Variants in MTFR2 observed in about 807,000 individuals in gnomAD.
MTFR2 encodes DUF729 domain-containing protein 1.
MTFR2 carries 44 observed loss-of-function variants against 41.2 expected under a neutral mutation model. That is an observed-to-expected ratio of 1.07 (90% CI 0.84 to 1.37). The LOEUF (loss-of-function observed/expected upper bound fraction) is 1.37, where lower values mean the gene tolerates loss of function less well. Ranked by LOEUF, MTFR2 falls within the 40% of genes most tolerant of loss-of-function variation. The probability of loss-of-function intolerance (pLI) is 0.00; values close to 1 mark genes in which losing one functional copy is unlikely to be tolerated. For synonymous variants in MTFR2, 141 were observed against 154.6 expected (o/e 0.91, Z 0.65); for missense variants, 452 against 459.5 (o/e 0.98, Z 0.15).
chr6:136,246,414 C>G (rs1780214223), intron 2 of MTFR2, among the ~76,000 whole-genome samples: 1 of 152,092 alleles, frequency 6.6e-6, no homozygotes, highest in African/African-American at 2.4e-5. Context: ...TCTGGAGTAG[C>G]TGGGACCACA....
chr6:136,247,492 T>G (rs540209690), intron 2 of MTFR2: 3 of 456,166 alleles, frequency 6.6e-6, no homozygotes, highest in Non-Finnish European at 1.3e-5. Flanking sequence ...TCCTCTCTCA[T>G]GTGGATCTTA....
At chr6:136,235,593 G>A (rs906956536) in intron 6 of MTFR2, among the ~76,000 whole-genome samples, 1 of 152,168 alleles carries the variant, frequency 6.6e-6, no homozygotes, top group Non-Finnish European at 1.5e-5. Context: ...AATAGCTGAT[G>A]AGGTCAGAGG....
At position 136,241,310 on chromosome 6, in the gene MTFR2, T is replaced by G; in HGVS notation, c.514+134A>C. On this transcript the variant is annotated intron_variant, in intron 5 of 7. Coordinates refer to ENST00000420702, the MANE Select transcript of MTFR2 (RefSeq NM_001099286.3). The stretch of plus-strand genomic sequence containing the variant: ...TTTTCATGGTACTTATTCAGAATTG[T>G]ACTCACTTAAATACTAGATGTTCCT... 4.6e-6 allele frequency: 3 copies of G among 652,472 alleles called. No homozygotes were observed. In the South Asian group the frequency reaches 6.2e-5, roughly 13 times the overall value. The allele number at this position is 652,472 out of a possible 1,614,324, so 40.4% of individuals were successfully genotyped here. A position where few individuals can be genotyped will look rare whatever the true frequency, so the allele number is the denominator to read the frequency against.
In MTFR2 at chr6:136,245,456, T is replaced by C. The variant is rs377009312; in HGVS notation, c.64-587A>G. On this transcript the variant is annotated intron_variant, in intron 2 of 7. Coordinates refer to ENST00000420702, the MANE Select transcript of MTFR2 (RefSeq NM_001099286.3). ...CTACTATAGCTCAAATAATACTTCA[T>C]CCTTTAGTGTGGGCTTCCCAAATTA... Among the ~76,000 whole-genome samples the C allele has an allele frequency of 4.9e-4, 75 of 152,324 alleles. 3 individuals are homozygous for C. In the South Asian group the frequency reaches 7.5e-3, roughly 15 times the overall value.
intron 2 of MTFR2, among the ~76,000 whole-genome samples, chr6:136,246,538 C>A (rs1780216763): frequency 6.6e-6 from 1 of 152,072 alleles, no homozygotes; most frequent in South Asian, 2.1e-4. Flanking sequence ...CTGCCTCAGC[C>A]TCCCACAGTG....
intron 7 of MTFR2, 37 bp from the exon 8 acceptor site, chr6:136,231,425 T>G: frequency 7.6e-7 from 1 of 1,311,718 alleles, no homozygotes; most frequent in Non-Finnish European, 1.1e-6. Context: ...GAAATTATTC[T>G]AATGTCAAAA....
intron 6 of MTFR2, among the ~76,000 whole-genome samples, chr6:136,237,401 A>G (rs949303757): frequency 6.6e-6 from 1 of 152,242 alleles, no homozygotes; most frequent in African/African-American, 2.4e-5. Flanking sequence ...CAGTAATTCA[A>G]GAACAGAGGA....
At chr6:136,235,951 C>T (rs1779895046) in intron 6 of MTFR2, among the ~76,000 whole-genome samples, 1 of 152,022 alleles carries the variant, frequency 6.6e-6, no homozygotes, top group Non-Finnish European at 1.5e-5. Context: ...AGAAAGTGCT[C>T]CAAGGAGGTG....
intron 5 of MTFR2, among the ~76,000 whole-genome samples, chr6:136,240,908 G>A (rs7753010): frequency 0.19 from 28,532 of 150,748 alleles, 7,250 homozygotes; most frequent in African/African-American, 0.6. Flanking sequence ...TGGCTAACAC[G>A]GTGAAACCCC....
chr6:136,243,577 G>A (rs1340969021), intron 3 of MTFR2, among the ~76,000 whole-genome samples: 1 of 152,018 alleles, frequency 6.6e-6, no homozygotes, highest in African/African-American at 2.4e-5. Flanking sequence ...GTGTGGTGGT[G>A]CACACCTCCC....
chr6:136,244,542 C>T (rs1001884750), intron 3 of MTFR2, among the ~76,000 whole-genome samples: 2 of 152,146 alleles, frequency 1.3e-5, no homozygotes, highest in Non-Finnish European at 2.9e-5. Flanking sequence ...CACCAAACAA[C>T]GCTTTTCTCA....
chr6:136,249,232 T>G (rs1349625648), intron 1 of MTFR2, 79 bp from the exon 2 acceptor site: 1 of 592,942 alleles, frequency 1.7e-6, no homozygotes, highest in Non-Finnish European at 2.8e-6. Context: ...AAAGTCCTCT[T>G]GATACACGAC....
chr6:136,243,713 T>C (rs1462272744), intron 3 of MTFR2, among the ~76,000 whole-genome samples: 2 of 133,488 alleles, frequency 1.5e-5, no homozygotes, highest in Non-Finnish European at 3.0e-5. Flanking sequence ...AGACCTTATC[T>C]TAAAAAAAAA....
chr6:136,239,335 C>T, intron 6 of MTFR2, 131 bp downstream of exon 6: 1 of 636,644 alleles, frequency 1.6e-6, no homozygotes, highest in East Asian at 2.8e-5. Flanking sequence ...GTCATTATCT[C>T]TAGGAGAGGT....
Position 136,242,817 on chromosome 6 carries a change from A to G in MTFR2, c.281+44T>C, listed in dbSNP as rs151189804. 1.3e-4 allele frequency: 193 copies of G among 1,462,788 alleles called. No individual in the cohort carries two copies. The African/African-American group carries it at 2.2e-3, about 16-fold the overall frequency. 90.6% of individuals were successfully genotyped at this position (1,462,788 alleles called of 1,614,324 possible). On this transcript the variant is annotated intron_variant, in intron 4 of 7. Transcript: ENST00000420702. ...TTAACAAGCTTCGACACATGCAAGA[A>G]TTCAGTTTATAGCCCACTTCCCAAG...
Position 136,239,615 on chromosome 6 carries a change from A to C in MTFR2, c.720T>G (p.Asp240Glu), listed in dbSNP as rs1458245417. The C allele has an allele frequency of 1.2e-6, 2 of 1,613,980 alleles. No individual in the cohort carries two copies. The highest frequency in any genetic ancestry group is 2.7e-5 in the African/African-American group (2 of 74,872). ...GTTTGCTCATTTCAGTTGCTGGATT[A>C]TCTGAGTCACAAATATTATTAGATC... ...QPGSNNICDSDNPATEMSKQN... is the reference protein window; with the variant it reads ...QPGSNNICDSENPATEMSKQN... Residue 240 changes from aspartate (D) to glutamate (E), a missense_variant, in exon 6 of 8, where the codon GAT (aspartate) becomes GAG (glutamate). By Grantham distance (45) the Asp-to-Glu change is conservative. Coordinates refer to ENST00000420702, the MANE Select transcript of MTFR2 (RefSeq NM_001099286.3).
At chr6:136,234,723 G>A (rs891680571) in intron 6 of MTFR2, among the ~76,000 whole-genome samples, 2 of 152,188 alleles carry the variant, frequency 1.3e-5, no homozygotes, top group Non-Finnish European at 2.9e-5. Flanking sequence ...AAATAAGGAG[G>A]CAAGAATGAA....
chr6:136,249,368 C>T (rs1780301478), intron 1 of MTFR2, among the ~76,000 whole-genome samples: 1 of 152,124 alleles, frequency 6.6e-6, no homozygotes, highest in Non-Finnish European at 1.5e-5. Flanking sequence ...ACATTAAAAC[C>T]TCGTAGGATG....
chr6:136,240,963 C>A (rs372023743), intron 5 of MTFR2, among the ~76,000 whole-genome samples: 3 of 152,042 alleles, frequency 2.0e-5, no homozygotes, highest in Non-Finnish European at 4.4e-5. Flanking sequence ...TGGTGGCGGG[C>A]GCCTGTAGTC....
Sources: allele counts gnomAD v4.1 joint callset (sites outside exome capture counted in the v4.1 genomes callset), GRCh38; gene constraint gnomAD v4.1.1; transcripts MANE v1.5; gene names NCBI Gene and HGNC (gene_info 2026-07-23, HGNC 2026-07-21).